Variants in NFASC observed in about 807,000 individuals in gnomAD.
NFASC encodes the protein neurofascin homolog.
NFASC carries 43 observed loss-of-function variants against 147.5 expected under a neutral mutation model. That is an observed-to-expected ratio of 0.29 (90% CI 0.23 to 0.38). The LOEUF is 0.38. Among genes scored for constraint, NFASC ranks in the 10% least tolerant of loss-of-function variants. The pLI is 1.00. For synonymous variants in NFASC, 622 were observed against 665.5 expected, an observed-to-expected ratio of 0.93 and a Z score of 1.01; for missense variants, 1,320 against 1,689.0, an observed-to-expected ratio of 0.78 and a Z score of 3.83.
rs760728670 is a variant in NFASC, at chr1:205,016,491, A to C, written c.3675A>C (p.Glu1225Asp). Residue 1225 changes from glutamate to aspartate, a missense_variant, in exon 30 of 30, where the codon GAA (glutamate) becomes GAC (aspartate). Around this residue, in one of 3 missense-constraint regions of NFASC, gnomAD observed 167 missense variants for 233.8 expected, o/e 0.71. Transcript: ENST00000339876. The surrounding 1 kb of genome is among the most constrained non-coding windows in gnomAD (Gnocchi z 5.1). Reference sequence around the variant, plus strand: ...ACAAGGAGGAAACAGAGGGCAACGAAAGCTCAGAGGCCACGTCACCTGTCA... The same window carrying C: ...ACAAGGAGGAAACAGAGGGCAACGACAGCTCAGAGGCCACGTCACCTGTCA... ...KKDKEETEGN[E>D]SSEATSPVNA... 2.5e-5 allele frequency: 40 copies of C among 1,614,026 alleles called. No individual in the cohort carries two copies. Among genetic ancestry groups the C allele is most frequent in the Non-Finnish European group, 3.3e-5 (39 of 1,180,028 alleles).
intron 11 of NFASC, among the ~76,000 whole-genome samples, 165 bp from the exon 12 acceptor site, chr1:204,973,109 TCA>T (rs771667495): frequency 1.2e-4 from 18 of 152,174 alleles, no homozygotes; most frequent in Non-Finnish European, 2.4e-4. Flanking sequence ...GGGCTCAAGG[TCA>T]CACACAGCCC....
chr1:204,944,518 G>A, intron 3 of NFASC, 112 bp downstream of exon 3: 1 of 822,194 alleles, frequency 1.2e-6, no homozygotes, highest in South Asian at 1.9e-5. Flanking sequence ...TGAGGAGAGG[G>A]GACGCAGTGG....
At chr1:204,996,886 G>A (rs963508426) in intron 24 of NFASC, among the ~76,000 whole-genome samples, 5 of 152,138 alleles carry the variant, frequency 3.3e-5, no homozygotes, top group African/African-American at 7.2e-5. Context: ...CCCCCTTCCC[G>A]TCTCATCCTC....
chr1:204,868,154 CAGTG>C (rs1387201040), intron 1 of NFASC, among the ~76,000 whole-genome samples: 1 of 152,262 alleles, frequency 6.6e-6, no homozygotes, highest in Non-Finnish European at 1.5e-5. Flanking sequence ...TAGTTACAGT[CAGTG>C]AGCAAATCCA....
intron 1 of NFASC, among the ~76,000 whole-genome samples, chr1:204,844,632 G>A (rs1676419045): frequency 6.6e-6 from 1 of 152,178 alleles, no homozygotes. Context: ...TGTAATCCCA[G>A]CGCTTTGGGA....
chr1:205,016,455 G>A lies in NFASC; in HGVS notation c.3639G>A (p.Thr1213=), dbSNP rs200275591. The change falls in exon 30 of 30, where the codon ACG becomes ACA. Residue 1213 remains threonine (T), a synonymous_variant. Transcript: ENST00000339876. The surrounding 1 kb of genome is among the most constrained non-coding windows in gnomAD (Gnocchi z 5.1). ...NEDGSFIGQY[T]VKKDKEETEG... is the part of the protein sequence containing the mutation. Reference sequence around the variant, plus strand: ...ACGGCTCCTTCATCGGCCAGTACACGGTCAAAAAGGACAAGGAGGAAACAG... The same window carrying A: ...ACGGCTCCTTCATCGGCCAGTACACAGTCAAAAAGGACAAGGAGGAAACAG... 190 of 1,614,074 alleles carry A rather than the reference G, an allele frequency of 1.2e-4. No homozygotes were observed. Among genetic ancestry groups the A allele is most frequent in the South Asian group, 2.5e-4 (23 of 91,078 alleles).
At chr1:204,919,921 C>T (rs895359721) in intron 1 of NFASC, among the ~76,000 whole-genome samples, 1 of 152,162 alleles carries the variant, frequency 6.6e-6, no homozygotes, top group Non-Finnish European at 1.5e-5. Flanking sequence ...GCCCAGCCTC[C>T]TGCAGACACA....
rs971407141 is a variant in NFASC at position 204,934,113 on chromosome 1, G to A, written c.-90-10113G>A. On this transcript the variant is annotated intron_variant, in intron 2 of 29. Transcript: ENST00000339876. ...AGATCACGCTATTGCACTCCACCCCGGGCGACAGAGTGAGACTCCATTTCA... is the reference window on the plus strand; with the variant it reads ...AGATCACGCTATTGCACTCCACCCCAGGCGACAGAGTGAGACTCCATTTCA... Among the ~76,000 whole-genome samples, 5 of 149,614 alleles carry A rather than the reference G, an allele frequency of 3.3e-5. No homozygotes were observed. The South Asian group carries it at 8.8e-4, about 26-fold the overall frequency.
At chr1:205,001,551 G>A (rs968056678) in intron 26 of NFASC, among the ~76,000 whole-genome samples, 6 of 152,162 alleles carry the variant, frequency 3.9e-5, no homozygotes, top group African/African-American at 1.2e-4. Flanking sequence ...GGGTAAAGGG[G>A]CCCTTCATTC....
intron 27 of NFASC, among the ~76,000 whole-genome samples, chr1:205,005,088 G>A (rs2096076234): frequency 6.6e-6 from 1 of 152,234 alleles, no homozygotes. Flanking sequence ...CAGGGCCTCA[G>A]GGGCCCTGAA....
At chr1:204,961,898 C>CT (rs1211603863) in intron 8 of NFASC, among the ~76,000 whole-genome samples, 3 of 152,174 alleles carry the variant, frequency 2.0e-5, no homozygotes, top group Non-Finnish European at 2.9e-5. Flanking sequence ...AGGATTTAAC[C>CT]TTTTTTTCTC....
At chr1:204,862,676 A>C (rs1384609278) in intron 1 of NFASC, among the ~76,000 whole-genome samples, 1 of 152,194 alleles carries the variant, frequency 6.6e-6, no homozygotes, top group African/African-American at 2.4e-5. Context: ...AAGGCTTGGA[A>C]CAAGCATCTC....
At position 205,016,081 on chromosome 1, in the gene NFASC, C is replaced by T. The variant is rs1249703024; in HGVS notation, c.3492-227C>T. 6.6e-6 allele frequency among the ~76,000 whole-genome samples: 1 copy of T among 152,228 alleles called. No homozygotes were observed. Among genetic ancestry groups the T allele is most frequent in the African/African-American group, 2.4e-5 (1 of 41,452 alleles). On this transcript the variant is annotated intron_variant, in intron 29 of 29. Coordinates refer to ENST00000339876, the MANE Select transcript of NFASC (RefSeq NM_001005388.3). The surrounding 1 kb of genome is among the most constrained non-coding windows in gnomAD (Gnocchi z 5.1). Reference sequence around the variant, plus strand: ...CAGGAGCCCAAAAGCATGGGCTCCACTCCCTGCCCTGCCCTGACCTGCAAC... The same window carrying T: ...CAGGAGCCCAAAAGCATGGGCTCCATTCCCTGCCCTGCCCTGACCTGCAAC...
chr1:204,832,633 T>TC (rs1256907477), intron 1 of NFASC, among the ~76,000 whole-genome samples: 1 of 152,162 alleles, frequency 6.6e-6, no homozygotes, highest in African/African-American at 2.4e-5. Context: ...GCCCCTCTTT[T>TC]CCCCCACACA....
At chr1:205,013,344 G>A (rs1439695761) in intron 29 of NFASC, among the ~76,000 whole-genome samples, 2 of 152,148 alleles carry the variant, frequency 1.3e-5, no homozygotes, top group Non-Finnish European at 2.9e-5. Context: ...GAATGAAGGT[G>A]GGGTGATTCC....
In NFASC at chr1:204,968,786, C is replaced by T. The variant is rs929588162; in HGVS notation, c.819-12C>T. The T allele has an allele frequency of 5.6e-6, 9 of 1,606,906 alleles. No individual in the cohort carries two copies. The African/African-American group carries it at 6.7e-5, about 12-fold the overall frequency. On this transcript the variant is annotated splice_polypyrimidine_tract_variant and intron_variant, in intron 9 of 29. Transcript: ENST00000339876. The surrounding 1 kb of genome is among the most constrained non-coding windows in gnomAD (Gnocchi z 5.4). ...TAGTGATAACTTGTTTCCTGCTTGG[C>T]GCCTCTCCTAGCCCAACACCAGACA...
chr1:204,883,958 AGGGAACCCAGGTGGGTAACCCAGTG>A (rs1423316661), intron 1 of NFASC, among the ~76,000 whole-genome samples: 1 of 152,232 alleles, frequency 6.6e-6, no homozygotes, highest in Non-Finnish European at 1.5e-5. Context: ...TGATCAGGAC[AGGGAACCCAGGTGGGTAACCCAGTG>A]GGGAACCCAG....
chr1:204,843,587 T>TCTTCCTTC lies in NFASC; in HGVS notation c.-200+14840_-200+14847dup, dbSNP rs141939311. 2.8e-3 allele frequency among the ~76,000 whole-genome samples: 332 copies of TCTTCCTTC among 120,538 alleles called. 8 individuals carry two copies. Among genetic ancestry groups the TCTTCCTTC allele is most frequent in the African/African-American group, 7.4e-3 (212 of 28,562 alleles). 79.1% of individuals were successfully genotyped at this position (120,538 alleles called of 152,430 possible). ...TCCCTTCTCTCCTTCCTTCTTTCCT[T>TCTTCCTTC]CTTCCTTCCTTCCTTCCTTCCTTCC... On this transcript the variant is annotated intron_variant, in intron 1 of 29. Coordinates refer to ENST00000339876, the MANE Select transcript of NFASC (RefSeq NM_001005388.3).
intron 5 of NFASC, 80 bp downstream of exon 5, chr1:204,952,196 C>A: frequency 9.0e-7 from 1 of 1,117,130 alleles, no homozygotes; most frequent in Non-Finnish European, 1.3e-6. Context: ...AATGAGGCAG[C>A]AGGAAAATTG....
Sources: allele counts gnomAD v4.1 joint callset (sites outside exome capture counted in the v4.1 genomes callset), GRCh38; gene constraint gnomAD v4.1.1; regional missense constraint gnomAD v4.1.1; non-coding constraint Gnocchi (gnomAD v3.1); transcripts MANE v1.5; gene names NCBI Gene and HGNC (gene_info 2026-07-23, HGNC 2026-07-21).